The following TRPV1 variants were observed in gnomAD, a reference collection of about 807,000 sequenced individuals.
TRPV1 encodes transient receptor potential cation channel subfamily V member 1, also known as OTRPC1.
In TRPV1, 82 loss-of-function variants were observed where a neutral mutation model predicts 82.3. The observed-to-expected ratio is 1.00, with a 90% CI of 0.83 to 1.20. The LOEUF is 1.20. Ranked by LOEUF, TRPV1 falls within the 50% of genes most tolerant of loss-of-function variation. The probability of loss-of-function intolerance (pLI) is 0.00; values close to 1 mark genes in which losing one functional copy is unlikely to be tolerated. For missense variants in TRPV1, 1,067 were observed against 1,096.8 expected (o/e 0.97, Z 0.38); for synonymous variants, 515 against 467.7 (o/e 1.10, Z -1.30).
intron 9 of TRPV1, chr17:3,585,489 C>G (rs983954109): frequency 2.6e-6 from 1 of 382,288 alleles, no homozygotes; most frequent in Non-Finnish European, 4.9e-6. Context: ...CGTCTACAAT[C>G]AGGGACCTGA....
At chr17:3,607,532 A>G (rs1027092994) in intron 2 of TRPV1, among the ~76,000 whole-genome samples, 14 of 115,030 alleles carry the variant, frequency 1.2e-4, no homozygotes, top group Non-Finnish European at 2.4e-4. Context: ...ACAATAAAGT[A>G]GAACAATTTT....
intron 2 of TRPV1, among the ~76,000 whole-genome samples, chr17:3,605,281 G>T (rs1487898116): frequency 6.6e-6 from 1 of 152,074 alleles, no homozygotes; most frequent in African/African-American, 2.4e-5. Flanking sequence ...GGCCGAGGTG[G>T]GTGGATCACT....
chr17:3,583,457 T>C, intron 9 of TRPV1, 27 bp from the exon 10 acceptor site: 1 of 1,533,712 alleles, frequency 6.5e-7, no homozygotes, highest in Non-Finnish European at 8.9e-7. Flanking sequence ...AGTTGGTAAC[T>C]CCATTTACTC....
intron 11 of TRPV1, among the ~76,000 whole-genome samples, chr17:3,580,030 C>A (rs2074985819): frequency 1.3e-5 from 2 of 151,068 alleles, no homozygotes; most frequent in Admixed American, 1.3e-4. Flanking sequence ...CAGCCCCCGC[C>A]CCGCCCCGCC....
At chr17:3,576,668 A>AAAAAAAAAAAAAAAATATATAT in intron 13 of TRPV1, among the ~76,000 whole-genome samples, 9 of 38,414 alleles carry the variant, frequency 2.3e-4, no homozygotes, top group Admixed American at 4.5e-4. Flanking sequence ...AAAAAAAAAA[A>AAAAAAAAAAAAAAAATATATAT]ATATATATAT....
chr17:3,593,342 T>C (rs2075185912), intron 2 of TRPV1, among the ~76,000 whole-genome samples: 1 of 152,132 alleles, frequency 6.6e-6, no homozygotes. Flanking sequence ...TTGGAGCTGG[T>C]TGGTCTTCTA....
Position 3,573,550 on chromosome 17 carries a change from C to CCCCCCCCCCCCCCCCCT in TRPV1, c.2103+82_2103+83insAGGGGGGGGGGGGGGGG. On this transcript the variant is annotated intron_variant, in intron 14 of 16. Transcript: ENST00000572705. Reference sequence around the variant, plus strand: ...ACACACCGCCCCCACCACCCACCCACCTGCAGCCAGCTGTGTAAGACAGCA... The same window carrying CCCCCCCCCCCCCCCCCT: ...ACACACCGCCCCCACCACCCACCCACCCCCCCCCCCCCCCCCTCTGCAGCCAGCTGTGTAAGACAGCA... The CCCCCCCCCCCCCCCCCT allele has an allele frequency of 4.0e-5, 23 of 574,538 alleles. 1 individual carries two copies. Among genetic ancestry groups the CCCCCCCCCCCCCCCCCT allele is most frequent in the South Asian group, 4.0e-4 (6 of 15,020 alleles). The allele number at this position is 574,538 out of a possible 1,614,324, so 35.6% of individuals were successfully genotyped here.
chr17:3,578,540 G>C (rs1431259551), intron 11 of TRPV1: 1 of 151,790 alleles, frequency 6.6e-6, no homozygotes, highest in Non-Finnish European at 1.5e-5. Context: ...CCAGCTACTG[G>C]GGACACTGAG....
intron 13 of TRPV1, among the ~76,000 whole-genome samples, chr17:3,576,722 G>A (rs1489938127): frequency 8.7e-5 from 12 of 137,472 alleles, no homozygotes; most frequent in African/African-American, 2.4e-4. Context: ...GGTCGTGGGC[G>A]CCTGTAATCC....
Position 3,576,665 on chromosome 17 carries a change from AAAAATAT to A in TRPV1, c.1780+454_1780+460del, listed in dbSNP as rs1443289879. Reference sequence around the variant, plus strand: ...AGACTCTGTATGAGAAAAAAAAAAAAAAAATATATATATATATATATATATGCATAAA... The same window carrying A: ...AGACTCTGTATGAGAAAAAAAAAAAAATATATATATATATATATGCATAAA... On this transcript the variant is annotated intron_variant, in intron 13 of 16. Transcript: ENST00000572705. Among the ~76,000 whole-genome samples, 17 of 65,268 alleles carry A rather than the reference AAAAATAT, an allele frequency of 2.6e-4. 1 individual carries two copies. Among genetic ancestry groups the A allele is most frequent in the Admixed American group, 5.8e-4 (3 of 5,144 alleles). 42.8% of individuals were successfully genotyped at this position (65,268 alleles called of 152,430 possible).
chr17:3,573,586 C>T (rs750348025), intron 14 of TRPV1, 47 bp downstream of exon 14: 8 of 1,403,988 alleles, frequency 5.7e-6, no homozygotes, highest in South Asian at 5.1e-5. Context: ...GACAGAGCCG[C>T]CCACACTCTC....
Position 3,590,232 on chromosome 17 carries a change from C to A in TRPV1, c.745+20G>T. 1 of 1,612,394 alleles carries A rather than the reference C, an allele frequency of 6.2e-7. No individual in the cohort carries two copies. Among genetic ancestry groups the A allele is most frequent in the Non-Finnish European group, 8.5e-7 (1 of 1,178,900 alleles). ...TAGCAAAAGCCAAAAAGATCAGGGTCTGCCACACTGTCTCCCTACCGAAGT... is the reference window on the plus strand; with the variant it reads ...TAGCAAAAGCCAAAAAGATCAGGGTATGCCACACTGTCTCCCTACCGAAGT... On this transcript the variant is annotated intron_variant, in intron 6 of 16. Coordinates refer to ENST00000572705, the MANE Select transcript of TRPV1 (RefSeq NM_080704.4).
In TRPV1 at chr17:3,580,474, G is replaced by C. The variant is rs746157192; in HGVS notation, c.1530C>G (p.Ser510Arg). The C allele has an allele frequency of 6.2e-7, 1 of 1,613,928 alleles. No individual in the cohort carries two copies. Among genetic ancestry groups the C allele is most frequent in the African/African-American group, 1.3e-5 (1 of 74,938 alleles). Reference protein sequence around the residue: ...RPSMKTLFVDSYSEMLFFLQS... With the variant: ...RPSMKTLFVDRYSEMLFFLQS... ...TCACTTACAAAAGCATCTCACTGTA[G>C]CTGTCCACAAACAGGGTCTTCATCG... The change falls in exon 11 of 17, where the codon AGC becomes AGG. Residue 510 changes from serine to arginine, a missense_variant. Coordinates refer to ENST00000572705, the MANE Select transcript of TRPV1 (RefSeq NM_080704.4).
At chr17:3,589,783 G>A (rs457481) in intron 7 of TRPV1, 24 bp downstream of exon 7, 1 of 1,593,874 alleles carries the variant, frequency 6.3e-7, no homozygotes, top group African/African-American at 1.3e-5. Context: ...CACCGCACCA[G>A]CCTGAGCCGA....
intron 2 of TRPV1, among the ~76,000 whole-genome samples, chr17:3,602,639 C>T (rs2075271261): frequency 1.3e-5 from 2 of 152,154 alleles, no homozygotes; most frequent in Non-Finnish European, 2.9e-5. Flanking sequence ...ACGCGCCAGC[C>T]AGCGGCTGGG....
chr17:3,565,609 A>C lies in TRPV1; in HGVS notation c.*1206T>G, dbSNP rs1231666057. ...GTTCTGTAGTTTTAACCTGCACAGC[A>C]ATTGAGCTGATCTTCTGGAGACTGT... On this transcript the variant is annotated 3_prime_UTR_variant, in exon 17 of 17. Coordinates refer to ENST00000572705, the MANE Select transcript of TRPV1 (RefSeq NM_080704.4). 4 of 152,196 alleles carry C rather than the reference A, an allele frequency of 2.6e-5. No individual in the cohort carries two copies. The highest frequency in any genetic ancestry group is 9.7e-5 in the African/African-American group (4 of 41,442). 9.4% of individuals were successfully genotyped at this position (152,196 alleles called of 1,614,324 possible). A position where few individuals can be genotyped will look rare whatever the true frequency, so the allele number is the denominator to read the frequency against.
intron 2 of TRPV1, among the ~76,000 whole-genome samples, chr17:3,595,198 G>A (rs908816787): frequency 6.6e-6 from 1 of 152,146 alleles, no homozygotes; most frequent in Non-Finnish European, 1.5e-5. Context: ...CGGTTCTCAG[G>A]ACTCGCATTC....
chr17:3,586,826 A>G (rs1267556333), intron 8 of TRPV1, among the ~76,000 whole-genome samples: 1 of 152,164 alleles, frequency 6.6e-6, no homozygotes, highest in Non-Finnish European at 1.5e-5. Flanking sequence ...GAGACTGATG[A>G]GCCAAAATCA....
chr17:3,576,848 CAA>C (rs989451980), intron 13 of TRPV1, among the ~76,000 whole-genome samples: 1 of 39,074 alleles, frequency 2.6e-5, no homozygotes, highest in Non-Finnish European at 5.4e-5. Flanking sequence ...GACTCCATCT[CAA>C]AAAAAAAAAA....
Sources: allele counts gnomAD v4.1 joint callset (sites outside exome capture counted in the v4.1 genomes callset), GRCh38; gene constraint gnomAD v4.1.1; transcripts MANE v1.5; gene names NCBI Gene and HGNC (gene_info 2026-07-23, HGNC 2026-07-21).